Variants in HORMAD2 observed in about 807,000 individuals in gnomAD.
HORMAD2 encodes the protein HORMA domain-containing protein 2.
In HORMAD2, 45 loss-of-function variants were observed where a neutral mutation model predicts 38.8. The observed-to-expected ratio is 1.16, with a 90% confidence interval of 0.91 to 1.49. HORMAD2 has a LOEUF of 1.49. Among genes scored for constraint, HORMAD2 ranks in the 40% most tolerant of loss-of-function variants. The pLI is 0.00. For missense variants in HORMAD2, 338 were observed against 367.0 expected, an observed-to-expected ratio of 0.92 and a Z score of 0.65; for synonymous variants, 126 against 122.8, an observed-to-expected ratio of 1.03 and a Z score of -0.17.
At chr22:30,184,523 G>A in the HORMAD2 span, 1 of 151,872 alleles carries the variant, frequency 6.6e-6, no homozygotes, top group Non-Finnish European at 1.5e-5. Context: ...TATTAACATT[G>A]TCAATTAACC....
At chr22:30,175,237 T>TTATATATAATATAGAATATATATAA (rs1926363627) in intron 10 of HORMAD2, among the ~76,000 whole-genome samples, 2 of 63,060 alleles carry the variant, frequency 3.2e-5, no homozygotes, top group African/African-American at 8.9e-5. Flanking sequence ...ATAGAATATA[T>TTATATATAATATAGAATATATATAA]TATATATAAT....
At chr22:30,103,758 G>A (rs1920992221) in intron 4 of HORMAD2, among the ~76,000 whole-genome samples, 1 of 134,244 alleles carries the variant, frequency 7.4e-6, no homozygotes, top group Non-Finnish European at 1.5e-5. Flanking sequence ...TGCCTCCCAG[G>A]TTCAAGTGAT....
intron 10 of HORMAD2, among the ~76,000 whole-genome samples, chr22:30,167,313 GC>G (rs894115041): frequency 1.3e-5 from 2 of 152,096 alleles, no homozygotes; most frequent in African/African-American, 4.8e-5. Context: ...CTGTAGAGAC[GC>G]CCCCCTTTTA....
chr22:30,130,652 G>A (rs1923217648), intron 10 of HORMAD2, among the ~76,000 whole-genome samples: 1 of 140,126 alleles, frequency 7.1e-6, no homozygotes, highest in Admixed American at 7.8e-5. Context: ...GGGCAGTGAC[G>A]CGATCTCGGC....
At chr22:30,137,194 A>G (rs906471642) in intron 10 of HORMAD2, 10 of 587,460 alleles carry the variant, frequency 1.7e-5, no homozygotes, top group African/African-American at 1.5e-4. Context: ...TGCCCTGAAC[A>G]TCTTCAGTAT....
intron 1 of HORMAD2, among the ~76,000 whole-genome samples, chr22:30,092,061 T>G (rs1891672262): frequency 7.1e-6 from 1 of 141,438 alleles, no homozygotes; most frequent in South Asian, 2.3e-4. Flanking sequence ...TTTTTTTTTT[T>G]GTATTTTTAG....
the HORMAD2 span, among the ~76,000 whole-genome samples, chr22:30,183,557 A>C: frequency 6.6e-6 from 1 of 152,180 alleles, no homozygotes; most frequent in Non-Finnish European, 1.5e-5. Flanking sequence ...CTCTTCACCA[A>C]CTGAAGCAGG....
chr22:30,106,007 T>C (rs534316507), intron 5 of HORMAD2, among the ~76,000 whole-genome samples: 1 of 152,278 alleles, frequency 6.6e-6, no homozygotes, highest in South Asian at 2.1e-4. Context: ...ACATGTTTAT[T>C]TATTAATTTT....
chr22:30,115,477 C>A (rs974542208), intron 7 of HORMAD2, among the ~76,000 whole-genome samples: 1 of 152,066 alleles, frequency 6.6e-6, no homozygotes, highest in African/African-American at 2.4e-5. Context: ...CCACAATATA[C>A]TTTTAGATAC....
In HORMAD2 at chr22:30,155,364, G is replaced by A. The variant is rs182421001; in HGVS notation, c.820-20699G>A. Among the ~76,000 whole-genome samples the A allele has an allele frequency of 1.9e-3, 284 of 152,154 alleles. 1 individual carries two copies. Among genetic ancestry groups the A allele is most frequent in the Non-Finnish European group, 3.1e-3 (208 of 68,006 alleles). On this transcript the variant is annotated intron_variant, in intron 10 of 10. Transcript: ENST00000336726. ...TTATTTATATCAGTATGGACTCATG[G>A]GTCTTTATTTTATCTGTTACTATCA...
intron 10 of HORMAD2, among the ~76,000 whole-genome samples, chr22:30,147,745 AT>A (rs968868148): frequency 1.6e-4 from 24 of 152,212 alleles, no homozygotes; most frequent in African/African-American, 5.8e-4. Flanking sequence ...ATTTAAAAAA[AT>A]CTACAACATA....
At chr22:30,094,142 G>A in intron 2 of HORMAD2, 139 bp downstream of exon 2, 1 of 590,028 alleles carries the variant, frequency 1.7e-6, no homozygotes, top group South Asian at 2.9e-5. Context: ...GAGAGTATGT[G>A]TACATTTTAA....
intron 2 of HORMAD2, among the ~76,000 whole-genome samples, chr22:30,094,504 A>T (rs2068747879): frequency 6.6e-6 from 1 of 152,240 alleles, no homozygotes; most frequent in South Asian, 2.1e-4. Flanking sequence ...AATATTATGT[A>T]GTATAATATT....
At chr22:30,105,914 C>T (rs1419625405) in intron 5 of HORMAD2, among the ~76,000 whole-genome samples, 2 of 152,146 alleles carry the variant, frequency 1.3e-5, no homozygotes, top group African/African-American at 2.4e-5. Context: ...ATATCTAGTC[C>T]GAACGTTGCT....
At chr22:30,099,705 G>T (rs536947176) in intron 3 of HORMAD2, among the ~76,000 whole-genome samples, 18 of 152,246 alleles carry the variant, frequency 1.2e-4, no homozygotes, top group African/African-American at 4.3e-4. Context: ...TGGCCAACAT[G>T]GTGAAACACT....
intron 1 of HORMAD2, among the ~76,000 whole-genome samples, chr22:30,091,598 C>T (rs2068688515): frequency 6.6e-6 from 1 of 152,080 alleles, no homozygotes; most frequent in Non-Finnish European, 1.5e-5. Flanking sequence ...TGTTGATGGA[C>T]ACTTAGGTTG....
At chr22:30,103,175 T>C (rs893829702) in intron 3 of HORMAD2, among the ~76,000 whole-genome samples, 3 of 152,142 alleles carry the variant, frequency 2.0e-5, no homozygotes, top group Admixed American at 2.0e-4. Flanking sequence ...AGGACACAAA[T>C]TGATTTTGGA....
chr22:30,159,404 T>C (rs976383869), intron 10 of HORMAD2, among the ~76,000 whole-genome samples: 2 of 152,230 alleles, frequency 1.3e-5, no homozygotes, highest in African/African-American at 2.4e-5. Context: ...AATCTAGCCA[T>C]ATTCTGTAAT....
At chr22:30,203,671 C>A in the HORMAD2 span, among the ~76,000 whole-genome samples, 1 of 152,180 alleles carries the variant, frequency 6.6e-6, no homozygotes, top group African/African-American at 2.4e-5. Flanking sequence ...TAAACACACT[C>A]CTATATGTGA....
Sources: allele counts gnomAD v4.1 joint callset (sites outside exome capture counted in the v4.1 genomes callset), GRCh38; gene constraint gnomAD v4.1.1; transcripts MANE v1.5; gene names NCBI Gene and HGNC (gene_info 2026-07-23, HGNC 2026-07-21).